GCH1: variants seen among roughly 807,000 people sequenced by gnomAD.
GCH1 encodes the protein GTP cyclohydrolase 1.
GCH1 carries 5 observed loss-of-function variants against 25.9 expected under a neutral mutation model. That is an observed-to-expected ratio of 0.19 (90% CI 0.10 to 0.41). The LOEUF is 0.41. Ranked by LOEUF, GCH1 falls within the 10% of genes least tolerant of loss-of-function variation. GCH1 has a pLI of 1.00. For missense variants in GCH1, 261 were observed against 336.5 expected (o/e 0.78, Z 1.75); for synonymous variants, 159 against 129.6 (o/e 1.23, Z -1.54).
chr14:54,894,201 T>C (rs903052430), intron 1 of GCH1, among the ~76,000 whole-genome samples: 1 of 152,358 alleles, frequency 6.6e-6, no homozygotes, highest in African/African-American at 2.4e-5. Context: ...AGTAGGGTTG[T>C]TGCAGATGTA....
At position 54,843,999 on chromosome 14, in the gene GCH1, A is replaced by G. The variant is rs536461052; in HGVS notation, c.*18T>C. 3.1e-6 allele frequency: 5 copies of G among 1,614,240 alleles called. No individual in the cohort carries two copies. Among genetic ancestry groups the G allele is most frequent in the Admixed American group, 1.7e-5 (1 of 60,028 alleles). On this transcript the variant is annotated 3_prime_UTR_variant, in exon 6 of 6. Transcript: ENST00000491895. ...TGGCAGTACGATCGGCAACCAACGC[A>G]CACACACTGAATGAAGCTCAGCTCC...
intron 3 of GCH1, among the ~76,000 whole-genome samples, chr14:54,859,010 G>A (rs1340890109): frequency 6.6e-6 from 1 of 152,254 alleles, no homozygotes; most frequent in Non-Finnish European, 1.5e-5. Context: ...AAAGAGAAAT[G>A]AGAGCGAGGA....
chr14:54,862,966 C>T (rs1300160422), intron 2 of GCH1, among the ~76,000 whole-genome samples: 1 of 151,996 alleles, frequency 6.6e-6, no homozygotes, highest in Admixed American at 6.6e-5. Flanking sequence ...TAACCAAATG[C>T]AATGTAAATA....
chr14:54,860,831 G>A (rs370838244), intron 2 of GCH1, among the ~76,000 whole-genome samples: 5 of 152,154 alleles, frequency 3.3e-5, no homozygotes, highest in Non-Finnish European at 7.4e-5. Context: ...GAGCCACCAC[G>A]CCCGGCCCCA....
At chr14:54,879,914 G>T (rs1304890892) in intron 1 of GCH1, among the ~76,000 whole-genome samples, 7 of 148,502 alleles carry the variant, frequency 4.7e-5, no homozygotes, top group Non-Finnish European at 7.4e-5. Flanking sequence ...GATTCTGGGA[G>T]GCGGAGGTTG....
chr14:54,864,402 G>C (rs1310414343), intron 2 of GCH1, among the ~76,000 whole-genome samples: 1 of 152,042 alleles, frequency 6.6e-6, no homozygotes, highest in African/African-American at 2.4e-5. Context: ...AATTATGATG[G>C]GGGTAGGGAA....
chr14:54,892,924 C>T (rs1341171954), intron 1 of GCH1, among the ~76,000 whole-genome samples: 1 of 151,722 alleles, frequency 6.6e-6, no homozygotes, highest in Non-Finnish European at 1.5e-5. Context: ...GCTAAAAATA[C>T]AAAAATTAGC....
chr14:54,854,100 C>T (rs2039774205), intron 3 of GCH1, among the ~76,000 whole-genome samples: 1 of 152,180 alleles, frequency 6.6e-6, no homozygotes, highest in Non-Finnish European at 1.5e-5. Flanking sequence ...CCCCAGCAAC[C>T]TATGATACAA....
At chr14:54,901,783 A>G (rs2040569065) in intron 1 of GCH1, among the ~76,000 whole-genome samples, 2 of 151,824 alleles carry the variant, frequency 1.3e-5, no homozygotes, top group Admixed American at 1.3e-4. Context: ...AAAAAGCACA[A>G]CTCTAAGACT....
chr14:54,896,695 A>G (rs551321768), intron 1 of GCH1, among the ~76,000 whole-genome samples: 6 of 151,786 alleles, frequency 4.0e-5, no homozygotes, highest in African/African-American at 1.2e-4. Flanking sequence ...GGCGGATCAC[A>G]AAGTCAGGAG....
intron 1 of GCH1, among the ~76,000 whole-genome samples, chr14:54,900,373 C>T (rs2040547291): frequency 6.6e-6 from 1 of 151,292 alleles, no homozygotes; most frequent in Admixed American, 6.6e-5. Flanking sequence ...TCACACCCGG[C>T]TAATTTTTTT....
intron 2 of GCH1, among the ~76,000 whole-genome samples, chr14:54,863,155 C>A (rs1457287879): frequency 1.3e-5 from 2 of 152,036 alleles, no homozygotes; most frequent in African/African-American, 4.8e-5. Context: ...TGCGGTGGCT[C>A]ACGCCTGTAA....
At chr14:54,850,914 T>C (rs2039719897) in intron 3 of GCH1, among the ~76,000 whole-genome samples, 1 of 152,236 alleles carries the variant, frequency 6.6e-6, no homozygotes, top group African/African-American at 2.4e-5. Flanking sequence ...GTCTTTGCTA[T>C]TGTGAATAGT....
chr14:54,858,009 G>A (rs144179004), intron 3 of GCH1, among the ~76,000 whole-genome samples: 145 of 152,290 alleles, frequency 9.5e-4, no homozygotes, highest in African/African-American at 3.1e-3. Context: ...CAGAAACTGG[G>A]GAAGTTAAAT....
At chr14:54,860,526 T>G (rs902495561) in intron 2 of GCH1, among the ~76,000 whole-genome samples, 1 of 149,840 alleles carries the variant, frequency 6.7e-6, no homozygotes, top group Admixed American at 6.7e-5. Context: ...TGCTAGAGAG[T>G]GCACCATCTT....
At chr14:54,851,003 C>G (rs185781284) in intron 3 of GCH1, among the ~76,000 whole-genome samples, 1 of 152,276 alleles carries the variant, frequency 6.6e-6, no homozygotes, top group Admixed American at 6.5e-5. Flanking sequence ...GCTACAGTAA[C>G]CAAAACAGCA....
intron 1 of GCH1, among the ~76,000 whole-genome samples, chr14:54,888,186 C>T (rs553303111): frequency 2.8e-4 from 42 of 152,252 alleles, no homozygotes; most frequent in African/African-American, 9.9e-4. Context: ...AGACAGAGAC[C>T]TGTTACTATA....
chr14:54,856,228 T>G (rs1374203407), intron 3 of GCH1, among the ~76,000 whole-genome samples: 9 of 152,294 alleles, frequency 5.9e-5, no homozygotes. Flanking sequence ...TCTATTCACC[T>G]GCCAGGCCAC....
At chr14:54,896,825 C>G (rs2040491416) in intron 1 of GCH1, among the ~76,000 whole-genome samples, 1 of 149,082 alleles carries the variant, frequency 6.7e-6, no homozygotes, top group Admixed American at 6.7e-5. Flanking sequence ...GAGGCTGAGG[C>G]AGGAGAATGG....
Sources: allele counts gnomAD v4.1 joint callset (sites outside exome capture counted in the v4.1 genomes callset), GRCh38; gene constraint gnomAD v4.1.1; transcripts MANE v1.5; gene names NCBI Gene and HGNC (gene_info 2026-07-23, HGNC 2026-07-21).